Variants in MYH9 observed in about 807,000 individuals in gnomAD.
The protein encoded by MYH9 is myosin-9.
MYH9 carries 29 observed loss-of-function variants against 241.9 expected under a neutral mutation model. The ratio of observed to expected loss-of-function variants is 0.12; its 90% confidence interval spans 0.09 to 0.16. The LOEUF is 0.16. Among genes scored for constraint, MYH9 ranks in the 10% least tolerant of loss-of-function variants. The pLI is 1.00. For synonymous variants in MYH9, 1,047 were observed against 1,062.6 expected (o/e 0.99, Z 0.29); for missense variants, 1,803 against 2,595.5 (o/e 0.69, Z 6.63).
At position 36,349,004 on chromosome 22, in the gene MYH9, G is replaced by A. The variant is rs150313549; in HGVS notation, c.233C>T (p.Pro78Leu). The change falls in exon 2 of 41, where the codon CCC (proline) becomes CTC (leucine). Residue 78 changes from proline to leucine, a missense_variant. Around this residue, in one of 11 missense-constraint regions of MYH9, gnomAD observed 72 missense variants for 134.3 expected, o/e 0.54. Transcript: ENST00000216181. Reference protein sequence around the residue: ...NKDDIQKMNPPKFSKVEDMAE... With the variant: ...NKDDIQKMNPLKFSKVEDMAE... Reference sequence around the variant, plus strand: ...CATGTCCTCCACCTTGGAGAACTTGGGCGGGTTCATCTTCTGGATGTCATC... The same window carrying A: ...CATGTCCTCCACCTTGGAGAACTTGAGCGGGTTCATCTTCTGGATGTCATC... 111 of 1,614,204 alleles carry A rather than the reference G, an allele frequency of 6.9e-5. No individual in the cohort carries two copies. The highest frequency in any genetic ancestry group is 9.3e-5 in the Non-Finnish European group (110 of 1,180,028).
At chr22:36,321,372 G>A (rs2017248437) in intron 7 of MYH9, among the ~76,000 whole-genome samples, 1 of 152,218 alleles carries the variant, frequency 6.6e-6, no homozygotes, top group Non-Finnish European at 1.5e-5. Flanking sequence ...GGCATGGCAT[G>A]TCCAAGAGGA....
At chr22:36,335,765 T>C (rs1325930492) in intron 3 of MYH9, among the ~76,000 whole-genome samples, 1 of 152,208 alleles carries the variant, frequency 6.6e-6, no homozygotes, top group Non-Finnish European at 1.5e-5. Context: ...CACGGGCCTG[T>C]GCCAGGGTAA....
At chr22:36,336,735 C>T (rs146674176) in intron 3 of MYH9, among the ~76,000 whole-genome samples, 229 of 152,324 alleles carry the variant, frequency 1.5e-3, no homozygotes, top group African/African-American at 5.3e-3. Flanking sequence ...CTGCAAGATC[C>T]GACCTCGCCA....
chr22:36,384,611 A>AATATATATATATAT (rs753952544), intron 1 of MYH9, among the ~76,000 whole-genome samples: 12 of 41,442 alleles, frequency 2.9e-4, no homozygotes, highest in South Asian at 1.5e-3. Flanking sequence ...AAAAAAAAAA[A>AATATATATATATAT]ATATATATAT....
At chr22:36,387,597 G>A (rs2018376018) in intron 1 of MYH9, among the ~76,000 whole-genome samples, 1 of 151,484 alleles carries the variant, frequency 6.6e-6, no homozygotes, top group African/African-American at 2.4e-5. Flanking sequence ...CGCTGCTGCC[G>A]GCGCCCTCCC....
chr22:36,377,107 T>G (rs1316999122), intron 1 of MYH9, among the ~76,000 whole-genome samples: 1 of 151,448 alleles, frequency 6.6e-6, no homozygotes, highest in East Asian at 1.9e-4. Flanking sequence ...GAACCCCATT[T>G]GTGCAATAAG....
At chr22:36,322,156 C>G (rs2017264266) in intron 6 of MYH9, among the ~76,000 whole-genome samples, 1 of 152,266 alleles carries the variant, frequency 6.6e-6, no homozygotes, top group Non-Finnish European at 1.5e-5. Context: ...CAGCTGAGCA[C>G]TCTGGGGCAC....
chr22:36,285,441 G>C lies in MYH9; in HGVS notation c.5275-112C>G. On this transcript the variant is annotated intron_variant, in intron 37 of 40. Coordinates refer to ENST00000216181, the MANE Select transcript of MYH9 (RefSeq NM_002473.6). This position sits in a 1 kb window ranked among gnomAD's most constrained non-coding sequence, Gnocchi z 7.0. ...TCCCACCAAACCCTTGGGGTCCAGA[G>C]TCTTGGGTCTCCCAGAAAAGGGAAG... The C allele has an allele frequency of 7.4e-7, 1 of 1,350,374 alleles. No individual in the cohort carries two copies. Among genetic ancestry groups the C allele is most frequent in the South Asian group, 1.2e-5 (1 of 85,112 alleles). The allele number at this position is 1,350,374 out of a possible 1,614,324, so 83.6% of individuals were successfully genotyped here.
At chr22:36,333,498 T>C (rs1316441876) in intron 3 of MYH9, among the ~76,000 whole-genome samples, 1 of 152,164 alleles carries the variant, frequency 6.6e-6, no homozygotes, top group East Asian at 1.9e-4. Flanking sequence ...ATCAGTACTG[T>C]CTGTTTGCCA....
At chr22:36,341,792 C>T (rs921306560) in intron 2 of MYH9, among the ~76,000 whole-genome samples, 1 of 152,212 alleles carries the variant, frequency 6.6e-6, no homozygotes, top group Admixed American at 6.5e-5. Context: ...AGTGAGTGTG[C>T]GTATCCACCA....
In MYH9 at chr22:36,288,620, C is replaced by T. The variant is rs963115161; in HGVS notation, c.4770+107G>A. ...GAAAGAAGGAATATGGGAGGGGAGG[C>T]GTGGTCAAGGGGCCCTAACACAATC... On this transcript the variant is annotated intron_variant, in intron 33 of 40. Transcript: ENST00000216181. This position sits in a 1 kb window ranked among gnomAD's most constrained non-coding sequence, Gnocchi z 4.8. 34 of 1,404,006 alleles carry T rather than the reference C, an allele frequency of 2.4e-5. No individual in the cohort carries two copies. Among genetic ancestry groups the T allele is most frequent in the Middle Eastern group, 2.2e-4 (1 of 4,626 alleles). The allele number at this position is 1,404,006 out of a possible 1,614,324, so 87.0% of individuals were successfully genotyped here.
At chr22:36,346,900 C>G (rs1263513590) in intron 2 of MYH9, among the ~76,000 whole-genome samples, 2 of 152,168 alleles carry the variant, frequency 1.3e-5, no homozygotes, top group East Asian at 3.8e-4. Flanking sequence ...ACCACCATGC[C>G]CAGCCTATAG....
rs150203316 is a variant in MYH9 at position 36,311,396 on chromosome 22, C to T, written c.1728+653G>A. Among the ~76,000 whole-genome samples, 14 of 152,100 alleles carry T rather than the reference C, an allele frequency of 9.2e-5. No homozygotes were observed. In the East Asian group the frequency reaches 2.3e-3, roughly 25 times the overall value. The stretch of plus-strand genomic sequence containing the variant: ...CCCCCCGAAACTAGGACATGTTTGG[C>T]GATGTCTGGAGACATTTTGGGTTGT... On this transcript the variant is annotated intron_variant, in intron 14 of 40. Coordinates refer to ENST00000216181, the MANE Select transcript of MYH9 (RefSeq NM_002473.6).
In MYH9 at chr22:36,293,878, G is replaced by T; in HGVS notation, c.3838-15C>A. 2 of 1,608,934 alleles carry T rather than the reference G, an allele frequency of 1.2e-6. No homozygotes were observed. The highest frequency in any genetic ancestry group is 1.3e-5 in the African/African-American group (1 of 74,892). On this transcript the variant is annotated splice_polypyrimidine_tract_variant and intron_variant, in intron 28 of 40. Transcript: ENST00000216181. The surrounding 1 kb of genome is among the most constrained non-coding windows in gnomAD (Gnocchi z 5.1). ...TCCAGCTCCACCTGCACCGGGCGGG[G>T]AGACACAAAGGACCATGGACCCACC...
chr22:36,315,747 C>CA (rs11296505), intron 12 of MYH9, among the ~76,000 whole-genome samples: 4,390 of 150,430 alleles, frequency 0.029, 238 homozygotes, highest in African/African-American at 0.1. Flanking sequence ...GACCCTGCCT[C>CA]AAAAAAAAAA....
At chr22:36,309,421 T>C in intron 14 of MYH9, 25 bp from the exon 15 acceptor site, 2 of 1,566,768 alleles carry the variant, frequency 1.3e-6, no homozygotes, top group Non-Finnish European at 1.8e-6. Context: ...GAGGCAGGAG[T>C]CACAAGCTGC....
Position 36,321,897 on chromosome 22 carries a change from C to G in MYH9, c.706-76G>C, listed in dbSNP as rs181932742. ...CTAGAGAGCACGGGGGAGACCACAG[C>G]CCCCCGCCCCACCTCCGGTGGGCAC... On this transcript the variant is annotated intron_variant, in intron 6 of 40. Transcript: ENST00000216181. 5.2e-5 allele frequency: 66 copies of G among 1,276,866 alleles called. No individual in the cohort carries two copies. The East Asian group carries it at 1.0e-3, about 20-fold the overall frequency. 79.1% of individuals were successfully genotyped at this position (1,276,866 alleles called of 1,614,324 possible). A position where few individuals can be genotyped will look rare whatever the true frequency, so the allele number is the denominator to read the frequency against.
At chr22:36,301,871 C>T (rs2016883223) in intron 20 of MYH9, among the ~76,000 whole-genome samples, 1 of 152,160 alleles carries the variant, frequency 6.6e-6, no homozygotes, top group South Asian at 2.1e-4. Flanking sequence ...GGGAAACTAT[C>T]CCTGCGTGTG....
At position 36,286,000 on chromosome 22, in the gene MYH9, C is replaced by A; in HGVS notation, c.5062-47G>T. The A allele has an allele frequency of 1.3e-6, 2 of 1,599,390 alleles. No individual in the cohort carries two copies. The highest frequency in any genetic ancestry group is 1.7e-6 in the Non-Finnish European group (2 of 1,175,644). On this transcript the variant is annotated intron_variant, in intron 35 of 40. Coordinates refer to ENST00000216181, the MANE Select transcript of MYH9 (RefSeq NM_002473.6). This position sits in a 1 kb window ranked among gnomAD's most constrained non-coding sequence, Gnocchi z 7.0. ...TGACCTAAAGGCAGCCACAGCCCCA[C>A]AAGACCATCCTTCCCAGCCCCAGGC...
Sources: gnomAD v4.1 joint callset for allele counts (sites outside exome capture counted in the v4.1 genomes callset) on GRCh38, gnomAD v4.1.1 for gene constraint, gnomAD v4.1.1 regional missense constraint, Gnocchi (gnomAD v3.1) non-coding constraint, MANE v1.5 for transcripts, NCBI Gene and HGNC (gene_info 2026-07-23, HGNC 2026-07-21) for gene names.